The following OPRD1 variants were observed in gnomAD, a reference collection of about 807,000 sequenced individuals.
OPRD1 encodes delta-type opioid receptor.
A neutral mutation model predicts 17.5 loss-of-function variants in OPRD1; 19 were observed. That is an observed-to-expected ratio of 1.09 (90% CI 0.76 to 1.60). The LOEUF (loss-of-function observed/expected upper bound fraction) is 1.60. OPRD1 is among the 40% of genes most tolerant of loss of function. The pLI is 0.00. For synonymous variants in OPRD1, 256 were observed against 240.9 expected (o/e 1.06, Z -0.58); for missense variants, 483 against 547.2 (o/e 0.88, Z 1.17).
In OPRD1 at chr1:28,864,684, C is replaced by T. The variant is rs989013076; in HGVS notation, c.*1401C>T. ...TCCCCAGGGCCCTAGTTTCTCTGGC[C>T]CAGATACTGGAGGACAGAGGACCAC... On this transcript the variant is annotated 3_prime_UTR_variant, in exon 3 of 3. Coordinates refer to ENST00000234961, the MANE Select transcript of OPRD1 (RefSeq NM_000911.4). 2.8e-5 allele frequency: 4 copies of T among 144,612 alleles called. No individual in the cohort carries two copies. Among genetic ancestry groups the T allele is most frequent in the African/African-American group, 7.8e-5 (3 of 38,498 alleles). The allele number at this position is 144,612 out of a possible 1,614,324, so 9.0% of individuals were successfully genotyped here.
chr1:28,852,164 T>TAAAAAAAA (rs71030305), intron 1 of OPRD1, among the ~76,000 whole-genome samples: 21 of 86,664 alleles, frequency 2.4e-4, no homozygotes, highest in East Asian at 3.5e-4. Context: ...AAACTCCATG[T>TAAAAAAAA]AAAAAAAAAA....
chr1:28,837,931 C>T (rs1438675543), intron 1 of OPRD1, among the ~76,000 whole-genome samples: 2 of 150,062 alleles, frequency 1.3e-5, no homozygotes, highest in African/African-American at 2.5e-5. Context: ...TGTCACATTC[C>T]GATGTTCCTG....
Position 28,862,934 on chromosome 1 carries a change from G to A in OPRD1, c.770G>A (p.Arg257Gln). 6.2e-7 allele frequency: 1 copy of A among 1,612,724 alleles called. No individual in the cohort carries two copies. The highest frequency in any genetic ancestry group is 8.5e-7 in the Non-Finnish European group (1 of 1,179,824). ...TCCAAGGAGAAGGACCGCAGCCTGC[G>A]GCGCATCACGCGCATGGTGCTGGTG... ...SGSKEKDRSL[R>Q]RITRMVLVVV... The change falls in exon 3 of 3, where the codon CGG (arginine) becomes CAG (glutamine). Residue 257 changes from arginine (R) to glutamine (Q), a missense_variant. Transcript: ENST00000234961.
At chr1:28,858,111 T>C (rs1192880688) in intron 1 of OPRD1, among the ~76,000 whole-genome samples, 4 of 135,956 alleles carry the variant, frequency 2.9e-5, no homozygotes, top group African/African-American at 1.1e-4. Context: ...TTTTCTTTTT[T>C]TTTCTTTTTT....
chr1:28,820,807 G>T (rs902388824), intron 1 of OPRD1, among the ~76,000 whole-genome samples: 2 of 151,758 alleles, frequency 1.3e-5, no homozygotes, highest in Non-Finnish European at 2.9e-5. Context: ...AACAAAGCGA[G>T]ATCCCATATC....
chr1:28,818,378 A>C (rs2088687488), intron 1 of OPRD1, among the ~76,000 whole-genome samples: 1 of 152,084 alleles, frequency 6.6e-6, no homozygotes, highest in Non-Finnish European at 1.5e-5. Flanking sequence ...CCCCCTGGTT[A>C]GTTGCAACTC....
At chr1:28,822,976 G>C (rs972520659) in intron 1 of OPRD1, among the ~76,000 whole-genome samples, 5 of 152,064 alleles carry the variant, frequency 3.3e-5, no homozygotes, top group Non-Finnish European at 7.4e-5. Flanking sequence ...AGGGATAATC[G>C]TGGGGGTAGA....
chr1:28,856,146 C>T (rs765441818), intron 1 of OPRD1, among the ~76,000 whole-genome samples: 76 of 152,198 alleles, frequency 5.0e-4, no homozygotes, highest in Non-Finnish European at 4.4e-4. Context: ...AAAGAGGGAG[C>T]GTGGGAGTCA....
chr1:28,856,682 A>C (rs1462706830), intron 1 of OPRD1, among the ~76,000 whole-genome samples: 1 of 152,234 alleles, frequency 6.6e-6, no homozygotes, highest in African/African-American at 2.4e-5. Context: ...TGCCCTGCCC[A>C]GGCCCTGGTG....
intron 2 of OPRD1, 30 bp from the exon 3 acceptor site, chr1:28,862,712 C>CG: frequency 6.4e-7 from 1 of 1,555,330 alleles, no homozygotes; most frequent in Non-Finnish European, 8.7e-7. Flanking sequence ...CCCCTCACCC[C>CG]GTCTGTCTTT....
chr1:28,853,901 T>C (rs1010383575), intron 1 of OPRD1, among the ~76,000 whole-genome samples: 1 of 151,656 alleles, frequency 6.6e-6, no homozygotes, highest in Non-Finnish European at 1.5e-5. Context: ...CCATCACGCC[T>C]GGCTAATTTT....
chr1:28,852,428 G>A (rs2089013806), intron 1 of OPRD1, among the ~76,000 whole-genome samples: 3 of 152,160 alleles, frequency 2.0e-5, no homozygotes, highest in Admixed American at 6.5e-5. Context: ...ATTATAGTAT[G>A]TTCTTTGGCT....
chr1:28,813,394 G>T (rs908307723), intron 1 of OPRD1, among the ~76,000 whole-genome samples: 2 of 152,172 alleles, frequency 1.3e-5, no homozygotes, highest in Non-Finnish European at 2.9e-5. Context: ...GAAGACTCAC[G>T]CCCTCCTCAC....
intron 1 of OPRD1, among the ~76,000 whole-genome samples, chr1:28,849,787 C>G (rs1158748277): frequency 1.3e-5 from 2 of 151,770 alleles, no homozygotes; most frequent in Non-Finnish European, 2.9e-5. Context: ...TATCATGTCC[C>G]TGAAATAAGA....
chr1:28,859,942 A>C (rs910171474), intron 2 of OPRD1, among the ~76,000 whole-genome samples: 2 of 152,230 alleles, frequency 1.3e-5, no homozygotes, highest in African/African-American at 4.8e-5. Context: ...CTCCCATCAC[A>C]ATCCAGTGTG....
intron 1 of OPRD1, among the ~76,000 whole-genome samples, chr1:28,834,500 C>A (rs2088833817): frequency 6.6e-6 from 1 of 151,540 alleles, no homozygotes; most frequent in Non-Finnish European, 1.5e-5. Flanking sequence ...TCCACCTCAG[C>A]CTCCTGAGTA....
chr1:28,815,837 C>T (rs1227383794), intron 1 of OPRD1, among the ~76,000 whole-genome samples: 1 of 152,036 alleles, frequency 6.6e-6, no homozygotes, highest in Non-Finnish European at 1.5e-5. Flanking sequence ...AGCAGGTGTG[C>T]AAGGGAAGAT....
chr1:28,823,963 A>C (rs1303850296), intron 1 of OPRD1, among the ~76,000 whole-genome samples: 1 of 142,078 alleles, frequency 7.0e-6, no homozygotes, highest in Non-Finnish European at 1.5e-5. Flanking sequence ...GGATCATTTG[A>C]GGTCAGGAGT....
At chr1:28,845,518 AGTTGTT>A (rs568487849) in intron 1 of OPRD1, among the ~76,000 whole-genome samples, 1 of 151,656 alleles carries the variant, frequency 6.6e-6, no homozygotes, top group Admixed American at 6.6e-5. Flanking sequence ...AACTTAATGT[AGTTGTT>A]GTTGTTGTTG....
Sources: allele counts gnomAD v4.1 joint callset (sites outside exome capture counted in the v4.1 genomes callset), GRCh38; gene constraint gnomAD v4.1.1; transcripts MANE v1.5; gene names NCBI Gene and HGNC (gene_info 2026-07-23, HGNC 2026-07-21).